The following RUNX1 variants were observed in gnomAD, a reference collection of about 807,000 sequenced individuals.
The protein encoded by RUNX1 is RUNX family transcription factor 1.
RUNX1 carries 19 observed loss-of-function variants against 42.8 expected under a neutral mutation model. The ratio of observed to expected loss-of-function variants is 0.44; its 90% CI spans 0.31 to 0.65. RUNX1 has a LOEUF of 0.65. Among genes scored for constraint, RUNX1 ranks in the 30% least tolerant of loss-of-function variants. The probability of loss-of-function intolerance (pLI) is 0.07; values close to 1 mark genes in which losing one functional copy is unlikely to be tolerated. For synonymous variants in RUNX1, 271 were observed against 289.4 expected, an observed-to-expected ratio of 0.94 and a Z score of 0.64; for missense variants, 528 against 672.0, an observed-to-expected ratio of 0.79 and a Z score of 2.37.
At chr21:35,013,222 G>T (rs372593778) in intron 2 of RUNX1, among the ~76,000 whole-genome samples, 1 of 152,018 alleles carries the variant, frequency 6.6e-6, no homozygotes, top group South Asian at 2.1e-4. Context: ...TTATATTGGG[G>T]GTCTATAGAT....
intron 5 of RUNX1, among the ~76,000 whole-genome samples, chr21:34,876,475 G>A (rs971049878): frequency 6.6e-6 from 1 of 152,132 alleles, no homozygotes. Context: ...TTTGGCCTAG[G>A]GTCTGTGGAT....
At chr21:34,887,186 A>G (rs2058008086) in intron 3 of RUNX1, 90 bp from the exon 4 acceptor site, 1 of 1,336,428 alleles carries the variant, frequency 7.5e-7, no homozygotes, top group Admixed American at 2.1e-5. Context: ...GATCTTCAGC[A>G]AGCAGCTCCC....
chr21:34,882,259 G>A (rs548031720), intron 4 of RUNX1, among the ~76,000 whole-genome samples: 3 of 152,186 alleles, frequency 2.0e-5, no homozygotes, highest in African/African-American at 7.2e-5. Flanking sequence ...CCCTTTCCCT[G>A]TGGCCTCCAG....
chr21:34,804,058 C>A (rs1305703001), intron 7 of RUNX1, among the ~76,000 whole-genome samples: 1 of 152,154 alleles, frequency 6.6e-6, no homozygotes, highest in Non-Finnish European at 1.5e-5. Context: ...AGTTGCAGGG[C>A]AAACTGCAAC....
intron 7 of RUNX1, among the ~76,000 whole-genome samples, chr21:34,799,988 A>T (rs2056586180): frequency 6.6e-6 from 1 of 152,138 alleles, no homozygotes; most frequent in Admixed American, 6.5e-5. Flanking sequence ...AGTAAGGCGA[A>T]TTCTCTCCCA....
At chr21:34,932,653 C>CAG (rs2058456314) in intron 2 of RUNX1, among the ~76,000 whole-genome samples, 1 of 152,194 alleles carries the variant, frequency 6.6e-6, no homozygotes, top group Admixed American at 6.5e-5. Context: ...TATACCCCTT[C>CAG]TACTGAGGTT....
intron 4 of RUNX1, among the ~76,000 whole-genome samples, chr21:34,881,978 G>A (rs994968731): frequency 6.6e-6 from 1 of 152,140 alleles, no homozygotes; most frequent in African/African-American, 2.4e-5. Flanking sequence ...AGTCAGTAGT[G>A]ACATTTATAT....
chr21:34,888,029 G>A, intron 3 of RUNX1: 1 of 1,066,248 alleles, frequency 9.4e-7, no homozygotes, highest in Middle Eastern at 4.2e-4. Flanking sequence ...GGGGATGTTG[G>A]TTAAGTTTGT....
At chr21:34,835,841 C>G (rs1484179695) in intron 6 of RUNX1, among the ~76,000 whole-genome samples, 4 of 152,288 alleles carry the variant, frequency 2.6e-5, no homozygotes, top group African/African-American at 9.6e-5. Flanking sequence ...TAGAAAGAGG[C>G]CCCCTTGATT....
chr21:34,811,542 A>G (rs570415462), intron 7 of RUNX1, among the ~76,000 whole-genome samples: 5 of 152,222 alleles, frequency 3.3e-5, no homozygotes, highest in African/African-American at 4.8e-5. Flanking sequence ...CTTTCACTCT[A>G]TGTGATTCCC....
At chr21:35,024,968 C>G (rs1026000593) in intron 2 of RUNX1, among the ~76,000 whole-genome samples, 1 of 152,100 alleles carries the variant, frequency 6.6e-6, no homozygotes, top group South Asian at 2.1e-4. Flanking sequence ...CTGTCTTGTT[C>G]AAAAATGAGG....
chr21:34,930,717 T>TCA (rs1474265708), intron 2 of RUNX1, among the ~76,000 whole-genome samples: 7 of 131,628 alleles, frequency 5.3e-5, no homozygotes, highest in East Asian at 4.4e-4. Flanking sequence ...TCTCTCTCTC[T>TCA]CTCACACACA....
At chr21:34,895,895 C>A (rs890139225) in intron 2 of RUNX1, among the ~76,000 whole-genome samples, 1 of 151,818 alleles carries the variant, frequency 6.6e-6, no homozygotes, top group South Asian at 2.1e-4. Flanking sequence ...AACAACAGCT[C>A]GGTGAGTTGG....
At chr21:34,952,694 T>C (rs546024124) in intron 2 of RUNX1, among the ~76,000 whole-genome samples, 1 of 152,306 alleles carries the variant, frequency 6.6e-6, no homozygotes, top group African/African-American at 2.4e-5. Context: ...AAATTGATAT[T>C]TGGGACGTTT....
chr21:34,949,659 C>T (rs2058592155), intron 2 of RUNX1, among the ~76,000 whole-genome samples: 1 of 152,242 alleles, frequency 6.6e-6, no homozygotes, highest in African/African-American at 2.4e-5. Context: ...GCTGTGGATG[C>T]CACACCCGCG....
chr21:34,810,288 G>A (rs2056741290), intron 7 of RUNX1, among the ~76,000 whole-genome samples: 1 of 152,230 alleles, frequency 6.6e-6, no homozygotes, highest in Non-Finnish European at 1.5e-5. Context: ...GCTTCCATAT[G>A]ACATGGGCCC....
rs2056439987 is a variant in RUNX1 at position 34,791,884 on chromosome 21, G to A, written c.*251C>T. ...GGTGCTGGGGCCGGCGGACACCCTC[G>A]AGGTGCGTCGCCTCGGACACCTCCG... On this transcript the variant is annotated 3_prime_UTR_variant, in exon 9 of 9. Transcript: ENST00000675419. The A allele has an allele frequency of 1.1e-5, 3 of 270,462 alleles. No individual in the cohort carries two copies. In the East Asian group the frequency reaches 1.6e-4, roughly 15 times the overall value. The allele number at this position is 270,462 out of a possible 1,614,324, so 16.8% of individuals were successfully genotyped here.
intron 2 of RUNX1, among the ~76,000 whole-genome samples, chr21:35,037,403 C>T (rs1048371959): frequency 6.6e-6 from 1 of 152,192 alleles, no homozygotes; most frequent in Non-Finnish European, 1.5e-5. Flanking sequence ...CATAAAGCCA[C>T]CAAATGCATC....
chr21:34,812,983 G>A (rs1205199158), intron 7 of RUNX1, among the ~76,000 whole-genome samples: 1 of 152,182 alleles, frequency 6.6e-6, no homozygotes, highest in Non-Finnish European at 1.5e-5. Context: ...TTACTACCAA[G>A]TTTAGATAGC....
Sources: gnomAD v4.1 joint callset for allele counts (sites outside exome capture counted in the v4.1 genomes callset) on GRCh38, gnomAD v4.1.1 for gene constraint, MANE v1.5 for transcripts, NCBI Gene and HGNC (gene_info 2026-07-23, HGNC 2026-07-21) for gene names.